TKTL2: variants seen among roughly 807,000 people sequenced by gnomAD.
The protein encoded by TKTL2 is transketolase like 2.
For missense variants in TKTL2, 825 were observed against 799.4 expected (o/e 1.03, Z -0.39); for synonymous variants, 259 against 294.1 (o/e 0.88, Z 1.22).
rs868457119 is a variant in TKTL2 at position 163,472,464 on chromosome 4, G to A, written c.1271C>T (p.Ser424Phe). The A allele has an allele frequency of 6.2e-7, 1 of 1,614,168 alleles. No homozygotes were observed. The highest frequency in any genetic ancestry group is 1.3e-5 in the African/African-American group (1 of 75,038). Residue 424 changes from serine to phenylalanine, a missense_variant, in exon 1 of 1, where the codon TCC becomes TTC. By Grantham distance (155) the Ser-to-Phe change is radical. Coordinates refer to ENST00000280605, the MANE Select transcript of TKTL2 (RefSeq NM_032136.5). ...CTGGGAGACTCCATCTTCTCCAGTG[G>A]ATACCCCACAGTGGGAACCAATAAG... ...INLIGSHCGVSTGEDGVSQMA... is the reference protein window; with the variant it reads ...INLIGSHCGVFTGEDGVSQMA...
At position 163,471,738 on chromosome 4, in the gene TKTL2, T is replaced by C. The variant is rs192816466; in HGVS notation, c.*116A>G. On this transcript the variant is annotated 3_prime_UTR_variant, in exon 1 of 1. Coordinates refer to ENST00000280605, the MANE Select transcript of TKTL2 (RefSeq NM_032136.5). ...AATGGCTTTGCTTTAAAAGAAACAG[T>C]ACAACTGTATAGGTATAAATAATGG... is the stretch of plus-strand genomic sequence containing the variant. The C allele has an allele frequency of 1.7e-4, 135 of 773,180 alleles. 2 individuals carry two copies. The African/African-American group carries it at 2.0e-3, about 11-fold the overall frequency. 47.9% of individuals were successfully genotyped at this position (773,180 alleles called of 1,614,324 possible).
chr4:163,472,125 T>C lies in TKTL2; in HGVS notation c.1610A>G (p.Asp537Gly). 1 of 1,614,118 alleles carries C rather than the reference T, an allele frequency of 6.2e-7. No homozygotes were observed. Among genetic ancestry groups the C allele is most frequent in the South Asian group, 1.1e-5 (1 of 91,082 alleles). Residue 537 changes from aspartate (D) to glycine (G), a missense_variant, in exon 1 of 1, where the codon GAC becomes GGC. Transcript: ENST00000280605. ...ATCCAGGGGTTTAATGGTAAATGGG[T>C]CGATGACACGGACAGAAATACCTTG... ...SQQGISVRVI[D>G]PFTIKPLDAA... is the part of the protein sequence containing the mutation.
Position 163,471,886 on chromosome 4 carries a change from T to C in TKTL2, c.1849A>G (p.Ile617Val). Residue 617 changes from isoleucine to valine, a missense_variant, in exon 1 of 1, where the codon ATA becomes GTA. Coordinates refer to ENST00000280605, the MANE Select transcript of TKTL2 (RefSeq NM_032136.5). ...DMFGISTRHI[I>V]AAVTLTLMK ...ATTAAAGTAAGTGTTACGGCTGCTATAATGTGTCTGGTACTGATTCCAAAC... is the reference window on the plus strand; with the variant it reads ...ATTAAAGTAAGTGTTACGGCTGCTACAATGTGTCTGGTACTGATTCCAAAC... The C allele has an allele frequency of 6.5e-7, 1 of 1,540,086 alleles. No homozygotes were observed. Among genetic ancestry groups the C allele is most frequent in the Non-Finnish European group, 8.7e-7 (1 of 1,144,620 alleles).
chr4:163,472,368 A>T lies in TKTL2; in HGVS notation c.1367T>A (p.Ile456Asn), dbSNP rs1164908350. 5.0e-6 allele frequency: 8 copies of T among 1,601,588 alleles called. No homozygotes were observed. The highest frequency in any genetic ancestry group is 6.8e-6 in the Non-Finnish European group (8 of 1,173,842). The change falls in exon 1 of 1, where the codon ATC becomes AAC. Residue 456 changes from isoleucine to asparagine, a missense_variant. By Grantham distance (149) the Ile-to-Asn change is moderately radical (BLOSUM62 -3). Transcript: ENST00000280605. ...NCTVFYPSDA[I>N]STEHAIYLAA... ...TAGATAAATAGCATGCTCTGTCGAGATGGCATCACTTGGATAGAAAACAGT... is the reference window on the plus strand; with the variant it reads ...TAGATAAATAGCATGCTCTGTCGAGTTGGCATCACTTGGATAGAAAACAGT...
rs376960510 is a variant in TKTL2, at chr4:163,472,843, G to A, written c.892C>T (p.Pro298Ser). 1.4e-4 allele frequency: 218 copies of A among 1,573,544 alleles called. No individual in the cohort carries two copies. The highest frequency in any genetic ancestry group is 1.8e-4 in the Non-Finnish European group (210 of 1,162,228). The change falls in exon 1 of 1, where the codon CCT (proline) becomes TCT (serine). Residue 298 changes from proline (P) to serine (S), a missense_variant. Pro to Ser is a moderately conservative substitution (Grantham distance 74). Coordinates refer to ENST00000280605, the MANE Select transcript of TKTL2 (RefSeq NM_032136.5). ...LIPKSPVEDS[P>S]QISITDIKMT... ...TTTATATCTGTGATGCTTATTTGAG[G>A]TGAGTCTTCCACAGGCGATTTTGGT... is the stretch of plus-strand genomic sequence containing the variant.
Position 163,472,736 on chromosome 4 carries a change from G to A in TKTL2, c.999C>T (p.Gly333=), listed in dbSNP as rs1300662311. 6 of 1,602,064 alleles carry A rather than the reference G, an allele frequency of 3.7e-6. No individual in the cohort carries two copies. The highest frequency in any genetic ancestry group is 1.3e-5 in the African/African-American group (1 of 74,564). Residue 333 remains glycine, a synonymous_variant, in exon 1 of 1, where the codon GGC becomes GGT. Transcript: ENST00000280605. The stretch of plus-strand genomic sequence containing the variant: ...GAACAATAACTCTTTCATTTGCACG[G>A]CCCAGTTTAGCCAGAGCCAAACCAT... The part of the protein sequence containing the change: ...KTYGLALAKL[G]RANERVIVLS...
Position 163,473,747 on chromosome 4 carries a change from G to C in TKTL2, c.-13C>G. The C allele has an allele frequency of 6.3e-7, 1 of 1,586,996 alleles. No homozygotes were observed. Among genetic ancestry groups the C allele is most frequent in the East Asian group, 2.2e-5 (1 of 44,464 alleles). On this transcript the variant is annotated 5_prime_UTR_variant, in exon 1 of 1. Coordinates refer to ENST00000280605, the MANE Select transcript of TKTL2 (RefSeq NM_032136.5). ...CGTTGGCCATCATCTCTCTTTTGTCGGTTTGGCAAAGCAAACGGCGCCGCA... is the reference window on the plus strand; with the variant it reads ...CGTTGGCCATCATCTCTCTTTTGTCCGTTTGGCAAAGCAAACGGCGCCGCA...
rs780809207 is a variant in TKTL2 at position 163,472,448 on chromosome 4, T to TC, written c.1286dup (p.Val430SerfsTer25). ...GATCCTCCAGGGCCATCTGGGAGACTCCATCTTCTCCAGTGGATACCCCAC... is the reference window on the plus strand; with the variant it reads ...GATCCTCCAGGGCCATCTGGGAGACTCCCATCTTCTCCAGTGGATACCCCAC... On this transcript the variant is annotated frameshift_variant, in exon 1 of 1. Coordinates refer to ENST00000280605, the MANE Select transcript of TKTL2 (RefSeq NM_032136.5). LOFTEE classifies it low-confidence loss of function (END_TRUNC). 11 of 1,614,118 alleles carry TC rather than the reference T, an allele frequency of 6.8e-6. No homozygotes were observed. The highest frequency in any genetic ancestry group is 1.7e-4 in the Middle Eastern group (1 of 6,060).
chr4:163,471,788 A>T lies in TKTL2; in HGVS notation c.*66T>A. The T allele has an allele frequency of 1.6e-6, 2 of 1,287,166 alleles. No individual in the cohort carries two copies. Among genetic ancestry groups the T allele is most frequent in the Non-Finnish European group, 2.1e-6 (2 of 942,022 alleles). The allele number at this position is 1,287,166 out of a possible 1,614,324, so 79.7% of individuals were successfully genotyped here. A position where few individuals can be genotyped will look rare whatever the true frequency, so the allele number is the denominator to read the frequency against. On this transcript the variant is annotated 3_prime_UTR_variant, in exon 1 of 1. Coordinates refer to ENST00000280605, the MANE Select transcript of TKTL2 (RefSeq NM_032136.5). ...GTTTTGTGACAATAAACATGAATTT[A>T]ATACAAAGATACCAGTGCTTTTGGG...
rs1327094288 is a variant in TKTL2 at position 163,473,699 on chromosome 4, G to A, written c.36C>T (p.Thr12=). ...MANDAKPDVK[T]VQVLRDTANR... ...TGGCTGTGTCCCGCAGCACCTGCAC[G>A]GTCTTCACGTCGGGCTTGGCGTCGT... Residue 12 remains threonine (T), a synonymous_variant, in exon 1 of 1, where the codon ACC becomes ACT. Transcript: ENST00000280605. The A allele has an allele frequency of 6.2e-7, 1 of 1,610,826 alleles. No individual in the cohort carries two copies. Among genetic ancestry groups the A allele is most frequent in the Non-Finnish European group, 8.5e-7 (1 of 1,177,886 alleles).
In TKTL2 at chr4:163,473,379, A is replaced by G. The variant is rs1737207471; in HGVS notation, c.356T>C (p.Val119Ala). The change falls in exon 1 of 1, where the codon GTT (valine) becomes GCT (alanine). Residue 119 changes from valine to alanine, a missense_variant. Physicochemically the swap from Val to Ala is moderately conservative, Grantham distance 64. Transcript: ENST00000280605. ...ACCTAGGGACCCTGTTGCCACGTCA[A>G]CAAACGGCAATCGGGGGGTAGGGTG... ...ERHPTPRLPF[V>A]DVATGSLGQG... 1.2e-6 allele frequency: 2 copies of G among 1,613,856 alleles called. No individual in the cohort carries two copies. The highest frequency in any genetic ancestry group is 1.3e-5 in the African/African-American group (1 of 74,904).
At position 163,472,279 on chromosome 4, in the gene TKTL2, T is replaced by C. The variant is rs759437816; in HGVS notation, c.1456A>G (p.Thr486Ala). ...TSQPETAVIY[T>A]PQENFEIGQA... ...CCAATCTCAAAATTTTCTTGTGGGGTATAAATAACTGCAGTTTCTGGTTGG... is the reference window on the plus strand; with the variant it reads ...CCAATCTCAAAATTTTCTTGTGGGGCATAAATAACTGCAGTTTCTGGTTGG... The change falls in exon 1 of 1, where the codon ACC (threonine) becomes GCC (alanine). Residue 486 changes from threonine to alanine, a missense_variant. Transcript: ENST00000280605. 1.9e-6 allele frequency: 3 copies of C among 1,610,462 alleles called. No homozygotes were observed. The highest frequency in any genetic ancestry group is 2.2e-5 in the East Asian group (1 of 44,876).
rs115876598 is a variant in TKTL2, at chr4:163,472,286, A to G, written c.1449T>C (p.Val483=). 2.5e-6 allele frequency: 4 copies of G among 1,609,896 alleles called. No homozygotes were observed. In the African/African-American group the frequency reaches 5.3e-5, roughly 22 times the overall value. ...CAAAATTTTCTTGTGGGGTATAAAT[A>G]ACTGCAGTTTCTGGTTGGCTGGTTC... is the stretch of plus-strand genomic sequence containing the variant. ...FIRTSQPETA[V]IYTPQENFEI... Residue 483 remains valine (V), a synonymous_variant, in exon 1 of 1, where the codon GTT becomes GTC. Coordinates refer to ENST00000280605, the MANE Select transcript of TKTL2 (RefSeq NM_032136.5).
At position 163,473,612 on chromosome 4, in the gene TKTL2, C is replaced by T. The variant is rs1737213310; in HGVS notation, c.123G>A (p.Ser41=). 1.9e-6 allele frequency: 3 copies of T among 1,614,006 alleles called. No homozygotes were observed. The highest frequency in any genetic ancestry group is 1.3e-5 in the African/African-American group (1 of 74,898). The part of the protein sequence containing the change: ...TCASGSGQLT[S]CCSAAEVVSV... ...ACACGACCTCCGCTGCACTGCAGCA[C>T]GACGTGAGCTGGCCAGAACCAGAGG... The change falls in exon 1 of 1, where the codon TCG becomes TCA. Residue 41 remains serine, a synonymous_variant. Transcript: ENST00000280605.
chr4:163,471,880 C>A lies in TKTL2; in HGVS notation c.1855G>T (p.Ala619Ser). The change falls in exon 1 of 1, where the codon GCC (alanine) becomes TCC (serine). Residue 619 changes from alanine to serine, a missense_variant. Physicochemically the swap from Ala to Ser is moderately conservative, Grantham distance 99 (BLOSUM62 1). Coordinates refer to ENST00000280605, the MANE Select transcript of TKTL2 (RefSeq NM_032136.5). ...TACTTCATTAAAGTAAGTGTTACGG[C>A]TGCTATAATGTGTCTGGTACTGATT... ...FGISTRHIIA[A>S]VTLTLMK 6.6e-7 allele frequency: 1 copy of A among 1,526,356 alleles called. No homozygotes were observed. Among genetic ancestry groups the A allele is most frequent in the Non-Finnish European group, 8.8e-7 (1 of 1,137,150 alleles). 94.6% of individuals were successfully genotyped at this position (1,526,356 alleles called of 1,614,324 possible).
Position 163,472,777 on chromosome 4 carries a change from C to T in TKTL2, c.958G>A (p.Ala320Thr), listed in dbSNP as rs778332381. The T allele has an allele frequency of 1.9e-6, 3 of 1,573,526 alleles. No individual in the cohort carries two copies. Among genetic ancestry groups the T allele is most frequent in the South Asian group, 2.4e-5 (2 of 82,456 alleles). The stretch of plus-strand genomic sequence containing the variant: ...GCCAAACCATATGTTTTCTGAGTAG[C>T]TATCTTGTCACCAACTTTGTAAGCA... ...PPAYKVGDKI[A>T]TQKTYGLALA... is the part of the protein sequence containing the mutation. Residue 320 changes from alanine (A) to threonine (T), a missense_variant, in exon 1 of 1, where the codon GCT becomes ACT. By Grantham distance (58) the Ala-to-Thr change is moderately conservative (BLOSUM62 0). Transcript: ENST00000280605.
Position 163,471,750 on chromosome 4 carries a change from G to T in TKTL2, c.*104C>A. 2 of 891,624 alleles carry T rather than the reference G, an allele frequency of 2.2e-6. No homozygotes were observed. Among genetic ancestry groups the T allele is most frequent in the South Asian group, 2.2e-5 (1 of 45,052 alleles). 55.2% of individuals were successfully genotyped at this position (891,624 alleles called of 1,614,324 possible). A position where few individuals can be genotyped will look rare whatever the true frequency, so the allele number is the denominator to read the frequency against. On this transcript the variant is annotated 3_prime_UTR_variant, in exon 1 of 1. Coordinates refer to ENST00000280605, the MANE Select transcript of TKTL2 (RefSeq NM_032136.5). ...TTAAAAGAAACAGTACAACTGTATAGGTATAAATAATGGTTTTGTGACAAT... is the reference window on the plus strand; with the variant it reads ...TTAAAAGAAACAGTACAACTGTATATGTATAAATAATGGTTTTGTGACAAT...
chr4:163,471,196 T>C lies in TKTL2; in HGVS notation c.*658A>G, dbSNP rs553635412. The C allele has an allele frequency of 1.3e-5, 2 of 152,308 alleles. No individual in the cohort carries two copies. The highest frequency in any genetic ancestry group is 1.3e-4 in the Admixed American group (2 of 15,292). 9.4% of individuals were successfully genotyped at this position (152,308 alleles called of 1,614,324 possible). ...TGGCCACAAGGAAAAGAAAAAACAT[T>C]TCTGAAGCTTCACAAAACTATGTGT... On this transcript the variant is annotated 3_prime_UTR_variant, in exon 1 of 1. Transcript: ENST00000280605.
At position 163,471,687 on chromosome 4, in the gene TKTL2, C is replaced by T; in HGVS notation, c.*167G>A. ...TAACAGAAAGGTAAACTTTAATTTC[C>T]AAATTAGGAATGAAGAAAGATGTTA... On this transcript the variant is annotated 3_prime_UTR_variant, in exon 1 of 1. Coordinates refer to ENST00000280605, the MANE Select transcript of TKTL2 (RefSeq NM_032136.5). 1 of 471,976 alleles carries T rather than the reference C, an allele frequency of 2.1e-6. No individual in the cohort carries two copies. Among genetic ancestry groups the T allele is most frequent in the Non-Finnish European group, 3.5e-6 (1 of 284,940 alleles). 29.2% of individuals were successfully genotyped at this position (471,976 alleles called of 1,614,324 possible).
Sources: allele counts gnomAD v4.1 joint callset, GRCh38; gene constraint gnomAD v4.1.1; transcripts MANE v1.5; gene names NCBI Gene and HGNC (gene_info 2026-07-23, HGNC 2026-07-21).